The following TMEM63A variants were observed in gnomAD, a reference collection of about 807,000 sequenced individuals.
TMEM63A encodes the protein mechanosensitive cation channel TMEM63A.
A neutral mutation model predicts 100.6 loss-of-function variants in TMEM63A; 76 were observed. The ratio of observed to expected loss-of-function variants is 0.76; its 90% CI spans 0.63 to 0.91. The LOEUF is 0.91. TMEM63A is among the 40% of genes least tolerant of loss of function. The pLI, the probability that TMEM63A is intolerant of heterozygous loss-of-function variation, is 0.00. For synonymous variants in TMEM63A, 401 were observed against 401.1 expected (o/e 1.00, Z 0.00); for missense variants, 876 against 1,008.8 (o/e 0.87, Z 1.78).
chr1:225,860,734 C>T, intron 14 of TMEM63A, 126 bp downstream of exon 14: 1 of 1,238,108 alleles, frequency 8.1e-7, no homozygotes, highest in Non-Finnish European at 1.1e-6. Context: ...AGCATCACAG[C>T]CCACAGAATT....
chr1:225,849,866 G>A, intron 21 of TMEM63A, 46 bp downstream of exon 21: 2 of 1,600,690 alleles, frequency 1.2e-6, no homozygotes, highest in African/African-American at 2.7e-5. Context: ...TGGGGATGCA[G>A]GGCTGGGAGG....
chr1:225,845,407 G>C, downstream of TMEM63A: 1 of 1,510,852 alleles, frequency 6.6e-7, no homozygotes, highest in Non-Finnish European at 8.9e-7. Flanking sequence ...GCTTTTCTTG[G>C]GGAAGATACC....
rs767486198 is a variant in TMEM63A, at chr1:225,862,845, C to T, written c.753G>A (p.Ala251=). 94 of 1,613,566 alleles carry T rather than the reference C, an allele frequency of 5.8e-5. No individual in the cohort carries two copies. The highest frequency in any genetic ancestry group is 1.4e-4 in the South Asian group (13 of 91,040). ...KETVESHFRD[A]YPTCEVVDVQ... The stretch of plus-strand genomic sequence containing the variant: ...CATCAACCACCTCACACGTGGGATA[C>T]GCGTCCCTGTGGCCAGGGAGAGAAG... The change falls in exon 11 of 25, where the codon GCG becomes GCA. Residue 251 remains alanine, a synonymous_variant. Coordinates refer to ENST00000366835, the MANE Select transcript of TMEM63A (RefSeq NM_014698.3). The surrounding 1 kb of genome is among the most constrained non-coding windows in gnomAD (Gnocchi z 5.1).
At position 225,847,224 on chromosome 1, in the gene TMEM63A, A is replaced by G. The variant is rs749684416; in HGVS notation, c.2251-11T>C. ...CCGAGGCACGTAGGGCTGTCAGCAA[A>G]TGGATTTGTGCTTGGCCTGGACAGG... On this transcript the variant is annotated splice_polypyrimidine_tract_variant and intron_variant, in intron 23 of 24. Transcript: ENST00000366835. The G allele has an allele frequency of 1.1e-5, 17 of 1,611,662 alleles. No homozygotes were observed. The highest frequency in any genetic ancestry group is 1.4e-5 in the Non-Finnish European group (16 of 1,178,762).
chr1:225,866,306 A>G (rs890192370), intron 9 of TMEM63A: 2 of 519,968 alleles, frequency 3.8e-6, no homozygotes, highest in East Asian at 3.4e-5. Context: ...TCCCCTGTGA[A>G]GCTGTGGGCG....
intron 15 of TMEM63A, among the ~76,000 whole-genome samples, chr1:225,858,334 T>G (rs551362707): frequency 4.0e-5 from 6 of 149,372 alleles, no homozygotes; most frequent in Non-Finnish European, 5.9e-5. Flanking sequence ...TTTTTTTTTT[T>G]TTTTTTTTGA....
At chr1:225,861,026 C>T (rs1401631392) in intron 13 of TMEM63A, 29 bp from the exon 14 acceptor site, 2 of 1,578,772 alleles carry the variant, frequency 1.3e-6, no homozygotes, top group African/African-American at 2.8e-5. Context: ...ACAGCCAGGC[C>T]CAGGCTACTC....
chr1:225,844,371 C>G (rs750345132), downstream of TMEM63A: 16 of 1,431,250 alleles, frequency 1.1e-5, no homozygotes, highest in Non-Finnish European at 1.6e-5. Context: ...ATACCACACA[C>G]GTTGCATGAG....
rs74150526 is a variant in TMEM63A, at chr1:225,848,871, C to T, written c.2187+26G>A. The T allele has an allele frequency of 7.4e-3, 11,400 of 1,537,576 alleles. 671 individuals are homozygous for T. The African/African-American group carries it at 0.13, about 18-fold the overall frequency. On this transcript the variant is annotated intron_variant, in intron 22 of 24. Transcript: ENST00000366835. ...CCATCTGTTCCTCCCAGGGCTTGACCGGGCAGTGGGGTCGGGGGCCTTTAC... is the reference window on the plus strand; with the variant it reads ...CCATCTGTTCCTCCCAGGGCTTGACTGGGCAGTGGGGTCGGGGGCCTTTAC...
chr1:225,847,877 G>A (rs934388575), intron 23 of TMEM63A, among the ~76,000 whole-genome samples: 3 of 152,166 alleles, frequency 2.0e-5, no homozygotes, highest in Non-Finnish European at 2.9e-5. Context: ...AGATGAGGTC[G>A]GCTCTGTCCT....
At chr1:225,860,712 C>G (rs964659046) in intron 14 of TMEM63A, 148 bp downstream of exon 14, 8 of 998,616 alleles carry the variant, frequency 8.0e-6, no homozygotes, top group Non-Finnish European at 1.1e-5. Context: ...TGGGCCACAC[C>G]GAGCACATCA....
At chr1:225,864,252 C>T (rs900979181) in intron 10 of TMEM63A, 1 of 152,220 alleles carries the variant, frequency 6.6e-6, no homozygotes, top group Non-Finnish European at 1.5e-5. Context: ...ACCTGCCAGG[C>T]ACTGTTCTAG....
chr1:225,872,021 G>C lies in TMEM63A; in HGVS notation c.299C>G (p.Ser100Cys). Residue 100 changes from serine (S) to cysteine (C), a missense_variant, in exon 5 of 25, where the codon TCC (serine) becomes TGC (cysteine). Physicochemically the swap from Ser to Cys is moderately radical, Grantham distance 112 (BLOSUM62 -1). This residue lies in a region of TMEM63A where 487 missense variants were observed against 581.9 expected (regional missense o/e 0.84). Coordinates refer to ENST00000366835, the MANE Select transcript of TMEM63A (RefSeq NM_014698.3). The stretch of plus-strand genomic sequence containing the variant: ...TTCAAAGTCTTGTTGACCTGAGGAG[G>C]AAGTCGATGACAATCTCTGAAATCT... The part of the protein sequence containing the change: ...ESRFQRLSST[S>C]SSGQQDFENE... The C allele has an allele frequency of 6.2e-7, 1 of 1,612,890 alleles. No individual in the cohort carries two copies. Among genetic ancestry groups the C allele is most frequent in the African/African-American group, 1.3e-5 (1 of 74,838 alleles).
intron 3 of TMEM63A, among the ~76,000 whole-genome samples, chr1:225,874,709 G>T (rs1670689669): frequency 6.6e-6 from 1 of 152,234 alleles, no homozygotes; most frequent in Non-Finnish European, 1.5e-5. Context: ...GCCCTGCTCT[G>T]CCTTCAGTGG....
At chr1:225,845,197 G>A (rs779163635), downstream of TMEM63A, 1 of 1,614,136 alleles carries the variant, frequency 6.2e-7, no homozygotes, top group South Asian at 1.1e-5. Context: ...TTGAGCTATT[G>A]CACACGCCTG....
At chr1:225,860,702 T>C (rs1043489386) in intron 14 of TMEM63A, 158 bp downstream of exon 14, 2 of 816,856 alleles carry the variant, frequency 2.4e-6, no homozygotes, top group East Asian at 3.2e-5. Context: ...ATACCCCAGT[T>C]GGGCCACACC....
chr1:225,868,106 C>T lies in TMEM63A; in HGVS notation c.372-76G>A, dbSNP rs75143058. 2.7e-4 allele frequency: 416 copies of T among 1,558,624 alleles called. 1 individual carries two copies. In the African/African-American group the frequency reaches 5.0e-3, roughly 19 times the overall value. ...CTCTGCATGAAGTGTCTCATATCAT[C>T]CTCACCACACTCTTATGAGATGGTT... On this transcript the variant is annotated intron_variant, in intron 6 of 24. Coordinates refer to ENST00000366835, the MANE Select transcript of TMEM63A (RefSeq NM_014698.3).
At chr1:225,840,784 T>C (rs1668332687), downstream of TMEM63A, 3 of 152,884 alleles carry the variant, frequency 2.0e-5, no homozygotes, top group Admixed American at 2.0e-4. Flanking sequence ...GGTAACTCCC[T>C]AGATCTTGTC....
chr1:225,865,739 C>T lies in TMEM63A; in HGVS notation c.746+158G>A, dbSNP rs1016002632. The T allele has an allele frequency of 4.9e-5, 34 of 697,144 alleles. 1 individual carries two copies. Among genetic ancestry groups the T allele is most frequent in the Non-Finnish European group, 7.5e-5 (31 of 411,674 alleles). The allele number at this position is 697,144 out of a possible 1,614,324, so 43.2% of individuals were successfully genotyped here. A position where few individuals can be genotyped will look rare whatever the true frequency, so the allele number is the denominator to read the frequency against. On this transcript the variant is annotated intron_variant, in intron 10 of 24. Transcript: ENST00000366835. This position sits in a 1 kb window ranked among gnomAD's most constrained non-coding sequence, Gnocchi z 4.6. ...CAGCAGGGCTGGCACACAGGAGCCA[C>T]TCCATACACGTGTGGCAGGGCCAGG...
Sources: allele counts gnomAD v4.1 joint callset (sites outside exome capture counted in the v4.1 genomes callset), GRCh38; gene constraint gnomAD v4.1.1; regional missense constraint gnomAD v4.1.1; non-coding constraint Gnocchi (gnomAD v3.1); transcripts MANE v1.5; gene names NCBI Gene and HGNC (gene_info 2026-07-23, HGNC 2026-07-21).